The following HERC1 variants were observed in gnomAD, a reference collection of about 807,000 sequenced individuals.
HERC1 encodes probable E3 ubiquitin-protein ligase HERC1.
Under a neutral mutation model 554.3 loss-of-function variants are expected in HERC1, and 160 were observed. The observed-to-expected ratio is 0.29, with a 90% confidence interval of 0.25 to 0.33. The LOEUF (loss-of-function observed/expected upper bound fraction) is 0.33, where lower values mean the gene tolerates loss of function less well. Ranked by LOEUF, HERC1 falls within the 10% of genes least tolerant of loss-of-function variation. HERC1 has a pLI of 1.00. For synonymous variants in HERC1, 2,175 were observed against 2,131.7 expected (o/e 1.02, Z -0.56); for missense variants, 4,919 against 5,918.5 (o/e 0.83, Z 5.54).
intron 25 of HERC1, among the ~76,000 whole-genome samples, chr15:63,701,038 T>C (rs1450513151): frequency 6.6e-6 from 1 of 151,960 alleles, no homozygotes; most frequent in Non-Finnish European, 1.5e-5. Context: ...GGGTGTTTTT[T>C]TTTAAATATT....
At chr15:63,698,490 A>G (rs1289052896) in intron 26 of HERC1, among the ~76,000 whole-genome samples, 2 of 151,912 alleles carry the variant, frequency 1.3e-5, no homozygotes, top group African/African-American at 4.8e-5. Flanking sequence ...TGTAGGAGAC[A>G]TGTGAAGACT....
intron 1 of HERC1, 56 bp downstream of exon 1, chr15:63,833,753 GCACACACACACACACACA>G (rs778263359): frequency 4.3e-5 from 2 of 46,456 alleles, no homozygotes; most frequent in Admixed American, 2.1e-4. Flanking sequence ...ACGCGCGCGC[GCACACACACACACACACA>G]CACACACACA....
At chr15:63,638,668 A>G (rs770562195) in intron 62 of HERC1, 43 bp downstream of exon 62, 11 of 1,590,792 alleles carry the variant, frequency 6.9e-6, no homozygotes, top group Admixed American at 5.0e-5. Flanking sequence ...GAATCAAAAC[A>G]TTGACTGAGA....
intron 34 of HERC1, among the ~76,000 whole-genome samples, chr15:63,685,991 T>C (rs1003844432): frequency 1.3e-5 from 2 of 152,188 alleles, no homozygotes; most frequent in African/African-American, 4.8e-5. Context: ...ATATGAACAG[T>C]TCCCTATAAA....
intron 16 of HERC1, among the ~76,000 whole-genome samples, chr15:63,728,140 T>C (rs1487862557): frequency 1.3e-5 from 2 of 152,074 alleles, no homozygotes; most frequent in African/African-American, 4.8e-5. Context: ...TTTTATAATT[T>C]ACTCAAGAAA....
At chr15:63,647,919 T>C in intron 55 of HERC1, 150 bp downstream of exon 55, 5 of 652,088 alleles carry the variant, frequency 7.7e-6, no homozygotes, top group East Asian at 5.5e-5. Context: ...GGGAGGAGGA[T>C]GGATTATGAG....
At position 63,706,781 on chromosome 15, in the gene HERC1, T is replaced by C. The variant is rs1311816387; in HGVS notation, c.4635A>G (p.Arg1545=). 6.5e-7 allele frequency: 1 copy of C among 1,531,426 alleles called. No individual in the cohort carries two copies. The highest frequency in any genetic ancestry group is 1.2e-5 in the South Asian group (1 of 82,134). 94.9% of individuals were successfully genotyped at this position (1,531,426 alleles called of 1,614,324 possible). A position where few individuals can be genotyped will look rare whatever the true frequency, so the allele number is the denominator to read the frequency against. Residue 1545 remains arginine (R), a splice_region_variant and synonymous_variant, in exon 25 of 78, where the codon AGA becomes AGG. Coordinates refer to ENST00000443617, the MANE Select transcript of HERC1 (RefSeq NM_003922.4). ...DLDLAASHRK[R]GPMHSQLESL... Reference sequence around the variant, plus strand: ...TATGTTCTTAATACTTACACTTACCTCTCTTTCTGTGAGATGCTGCCAAAT... The same window carrying C: ...TATGTTCTTAATACTTACACTTACCCCTCTTTCTGTGAGATGCTGCCAAAT...
chr15:63,609,842 G>A (rs577209938), intron 77 of HERC1, among the ~76,000 whole-genome samples: 8 of 152,258 alleles, frequency 5.3e-5, no homozygotes, highest in South Asian at 2.1e-4. Context: ...TTCAACTGAC[G>A]GTGATGCATC....
At chr15:63,638,309 T>TA (rs2068877086) in intron 63 of HERC1, 102 bp downstream of exon 63, 13 of 1,215,226 alleles carry the variant, frequency 1.1e-5, no homozygotes, top group Non-Finnish European at 1.5e-5. Context: ...TTCCTCATAA[T>TA]AGATTATGAA....
intron 1 of HERC1, among the ~76,000 whole-genome samples, chr15:63,831,490 A>G: frequency 6.6e-6 from 1 of 152,228 alleles, no homozygotes; most frequent in Non-Finnish European, 1.5e-5. Context: ...TTATCCAACT[A>G]TAACATTCAA....
At chr15:63,735,748 A>T (rs2074476299) in intron 12 of HERC1, among the ~76,000 whole-genome samples, 1 of 152,182 alleles carries the variant, frequency 6.6e-6, no homozygotes, top group Non-Finnish European at 1.5e-5. Context: ...CTGTAAGTCA[A>T]TGTTCTATTA....
intron 25 of HERC1, among the ~76,000 whole-genome samples, chr15:63,701,076 G>A (rs1280034283): frequency 1.3e-5 from 2 of 151,542 alleles, no homozygotes; most frequent in Admixed American, 6.6e-5. Context: ...GGTTCTTCTA[G>A]TTACTAATAC....
chr15:63,806,396 C>T (rs1251374532), intron 1 of HERC1, among the ~76,000 whole-genome samples: 1 of 152,200 alleles, frequency 6.6e-6, no homozygotes, highest in Non-Finnish European at 1.5e-5. Context: ...TCACCCTACG[C>T]TCACCAACAC....
intron 12 of HERC1, among the ~76,000 whole-genome samples, chr15:63,743,263 CTTT>C (rs71131177): frequency 9.2e-6 from 1 of 109,178 alleles, no homozygotes. Flanking sequence ...TTTTCTTTTT[CTTT>C]TTTTTTTTTT....
chr15:63,832,480 A>C (rs1403410607), intron 1 of HERC1, among the ~76,000 whole-genome samples: 1 of 152,240 alleles, frequency 6.6e-6, no homozygotes, highest in East Asian at 1.9e-4. Context: ...AATCAATTTC[A>C]TAAAACCTGA....
intron 12 of HERC1, among the ~76,000 whole-genome samples, chr15:63,735,207 G>A (rs1467556750): frequency 6.6e-6 from 1 of 152,102 alleles, no homozygotes; most frequent in Non-Finnish European, 1.5e-5. Context: ...GAGCAAGAAA[G>A]TATAAATGTG....
intron 1 of HERC1, among the ~76,000 whole-genome samples, chr15:63,776,341 CTTCT>C (rs552061863): frequency 3.6e-4 from 55 of 152,294 alleles, no homozygotes; most frequent in African/African-American, 1.3e-3. Context: ...CTCCTGTAGA[CTTCT>C]TTCTCTCAAT....
intron 12 of HERC1, among the ~76,000 whole-genome samples, chr15:63,741,941 T>C (rs570166209): frequency 6.6e-6 from 1 of 152,346 alleles, no homozygotes; most frequent in African/African-American, 2.4e-5. Flanking sequence ...TTTCCTCTTC[T>C]TTTTCAAGAC....
In HERC1 at chr15:63,719,849, G is replaced by A. The variant is rs1370503943; in HGVS notation, c.3743-952C>T. 2.4e-4 allele frequency among the ~76,000 whole-genome samples: 37 copies of A among 152,126 alleles called. 1 individual carries two copies. The highest frequency in any genetic ancestry group is 2.4e-3 in the Admixed American group (37 of 15,282). ...AAAGGAAGACCACATGAACAGTTTC[G>A]AGGGTAGGGAGCTGGAATCAGGAGT... On this transcript the variant is annotated intron_variant, in intron 19 of 77. Transcript: ENST00000443617.
Sources: gnomAD v4.1 joint callset for allele counts (sites outside exome capture counted in the v4.1 genomes callset) on GRCh38, gnomAD v4.1.1 for gene constraint, MANE v1.5 for transcripts, NCBI Gene and HGNC (gene_info 2026-07-23, HGNC 2026-07-21) for gene names.